The following ZNF613 variants were observed in gnomAD, a reference collection of about 807,000 sequenced individuals.
The protein encoded by ZNF613 is zinc finger protein 613.
ZNF613 carries 8 observed loss-of-function variants against 14.3 expected under a neutral mutation model. The observed-to-expected ratio is 0.56, with a 90% CI of 0.33 to 1.01. The LOEUF is 1.01. Ranked by LOEUF, ZNF613 falls within the 50% of genes least tolerant of loss-of-function variation. ZNF613 has a pLI of 0.03. For synonymous variants in ZNF613, 228 were observed against 254.5 expected (o/e 0.90, Z 0.99); for missense variants, 656 against 741.9 (o/e 0.88, Z 1.35).
At chr19:51,928,670 G>C (rs1040749739) in intron 1 of ZNF613, among the ~76,000 whole-genome samples, 2 of 152,054 alleles carry the variant, frequency 1.3e-5, no homozygotes, top group Non-Finnish European at 2.9e-5. Context: ...AGATCAGCCT[G>C]AACAACATAG....
chr19:51,930,337 C>G lies in ZNF613; in HGVS notation c.-194+441C>G, dbSNP rs146642060. Among the ~76,000 whole-genome samples, 224 of 152,184 alleles carry G rather than the reference C, an allele frequency of 1.5e-3. 2 individuals are homozygous for G. Among genetic ancestry groups the G allele is most frequent in the African/African-American group, 5.2e-3 (216 of 41,506 alleles). On this transcript the variant is annotated intron_variant, in intron 2 of 5. Transcript: ENST00000293471. ...AATGCAGTGGCGTGATCTCAGCTCA[C>G]TGCAACCACCACCTCCCAAGTTCAA...
Position 51,945,780 on chromosome 19 carries a change from C to T in ZNF613, c.*43C>T, listed in dbSNP as rs375492039. ...TGAATGTGGTAGTGCTTTCAGTGAT[C>T]AATTACATCATATGTCACAAAAAAC... On this transcript the variant is annotated 3_prime_UTR_variant, in exon 6 of 6. Transcript: ENST00000293471. 1.8e-4 allele frequency: 295 copies of T among 1,600,624 alleles called. No individual in the cohort carries two copies. The highest frequency in any genetic ancestry group is 2.5e-4 in the Non-Finnish European group (290 of 1,170,746).
intron 3 of ZNF613, among the ~76,000 whole-genome samples, chr19:51,936,726 C>T (rs971990651): frequency 1.3e-5 from 2 of 152,158 alleles, no homozygotes; most frequent in Non-Finnish European, 2.9e-5. Flanking sequence ...CTGAAGCAAT[C>T]TGTCTCCCTT....
chr19:51,944,595 G>A lies in ZNF613; in HGVS notation c.712G>A (p.Gly238Arg). The change falls in exon 6 of 6, where the codon GGG (glycine) becomes AGG (arginine). Residue 238 changes from glycine to arginine, a missense_variant. Physicochemically the swap from Gly to Arg is moderately radical, Grantham distance 125. Coordinates refer to ENST00000293471, the MANE Select transcript of ZNF613 (RefSeq NM_001031721.4). ...GEKPHGCSIC[G>R]KAFSRKSGLT... ...GAAACCTCATGGATGCAGTATATGT[G>A]GGAAAGCCTTCTCCAGAAAGTCCGG... 1 of 1,614,166 alleles carries A rather than the reference G, an allele frequency of 6.2e-7. No individual in the cohort carries two copies. The highest frequency in any genetic ancestry group is 1.3e-5 in the African/African-American group (1 of 75,042).
In ZNF613 at chr19:51,945,688, C is replaced by G. The variant is rs372326461; in HGVS notation, c.1805C>G (p.Pro602Arg). The G allele has an allele frequency of 6.2e-7, 1 of 1,614,034 alleles. No individual in the cohort carries two copies. The highest frequency in any genetic ancestry group is 1.3e-5 in the African/African-American group (1 of 74,924). Residue 602 changes from proline to arginine, a missense_variant, in exon 6 of 6, where the codon CCT becomes CGT. Physicochemically the swap from Pro to Arg is moderately radical, Grantham distance 103. Transcript: ENST00000293471. ...AESKVAIVSQ[P>R]VARSSVSADS... The stretch of plus-strand genomic sequence containing the variant: ...AGCAAAGTAGCCATTGTGAGCCAGC[C>G]TGTTGCCAGAAGTTCAGTCTCAGCA...
rs2085397885 is a variant in ZNF613 at position 51,945,897 on chromosome 19, G to A, written c.*160G>A. On this transcript the variant is annotated 3_prime_UTR_variant, in exon 6 of 6. Transcript: ENST00000293471. ...TATACTCAGAGAAAAATAGTATGAA[G>A]TGGAGACTGGGAAATTCTTTTATGG... The A allele has an allele frequency of 1.4e-6, 1 of 725,488 alleles. No individual in the cohort carries two copies. Among genetic ancestry groups the A allele is most frequent in the Non-Finnish European group, 2.2e-6 (1 of 450,590 alleles). 44.9% of individuals were successfully genotyped at this position (725,488 alleles called of 1,614,324 possible). A position where few individuals can be genotyped will look rare whatever the true frequency, so the allele number is the denominator to read the frequency against.
Position 51,936,182 on chromosome 19 carries a change from G to A in ZNF613, c.-39G>A. 6.3e-7 allele frequency: 1 copy of A among 1,596,812 alleles called. No individual in the cohort carries two copies. Among genetic ancestry groups the A allele is most frequent in the Non-Finnish European group, 8.5e-7 (1 of 1,172,632 alleles). ...AGCTCAAGGAGAGACTACAGACACA[G>A]CATCCTACTTACTGGCTATTTCCCA... is the stretch of plus-strand genomic sequence containing the variant. On this transcript the variant is annotated 5_prime_UTR_variant, in exon 3 of 6. Coordinates refer to ENST00000293471, the MANE Select transcript of ZNF613 (RefSeq NM_001031721.4).
chr19:51,930,089 C>G (rs1211204420), intron 2 of ZNF613, among the ~76,000 whole-genome samples, 193 bp downstream of exon 2: 2 of 152,064 alleles, frequency 1.3e-5, no homozygotes, highest in South Asian at 2.1e-4. Flanking sequence ...AACCCTGTAC[C>G]CTTTTGTTAC....
intron 2 of ZNF613, among the ~76,000 whole-genome samples, chr19:51,932,353 T>C (rs2085273000): frequency 7.3e-6 from 1 of 137,062 alleles, no homozygotes; most frequent in African/African-American, 2.7e-5. Context: ...CTTGTTGCCC[T>C]GGCTAGAGTG....
chr19:51,930,885 C>T (rs1410111525), intron 2 of ZNF613, among the ~76,000 whole-genome samples: 2 of 152,120 alleles, frequency 1.3e-5, no homozygotes, highest in African/African-American at 4.8e-5. Context: ...TTTCCGCCAG[C>T]GATATTTGAG....
At chr19:51,934,446 A>G (rs1290892012) in intron 2 of ZNF613, among the ~76,000 whole-genome samples, 1 of 152,142 alleles carries the variant, frequency 6.6e-6, no homozygotes, top group African/African-American at 2.4e-5. Flanking sequence ...CCCTTGAACT[A>G]ATTTCATATA....
intron 4 of ZNF613, 26 bp downstream of exon 4, chr19:51,940,361 C>T: frequency 3.7e-6 from 6 of 1,612,912 alleles, no homozygotes; most frequent in Non-Finnish European, 4.2e-6. Flanking sequence ...CTGTGTCACT[C>T]AGAGAGTACC....
At chr19:51,936,351 C>A (rs895126541) in intron 3 of ZNF613, 116 bp downstream of exon 3, 11 of 1,074,514 alleles carry the variant, frequency 1.0e-5, no homozygotes, top group Non-Finnish European at 1.2e-5. Context: ...ATTTGTGCAT[C>A]AGTAAATTTA....
chr19:51,927,485 A>C lies in ZNF613; in HGVS notation c.-414A>C, dbSNP rs2085223478. ...GGCTGGGGGAGGGCCCAGAAGTGGA[A>C]TAATTCAGGAAAGTGCAGGTTCTGG... On this transcript the variant is annotated 5_prime_UTR_variant, in exon 1 of 6. Transcript: ENST00000293471. The C allele has an allele frequency of 6.6e-6, 1 of 151,598 alleles. No individual in the cohort carries two copies. Among genetic ancestry groups the C allele is most frequent in the Admixed American group, 6.6e-5 (1 of 15,186 alleles). The allele number at this position is 151,598 out of a possible 1,614,324, so 9.4% of individuals were successfully genotyped here. A position where few individuals can be genotyped will look rare whatever the true frequency, so the allele number is the denominator to read the frequency against.
rs760354746 is a variant in ZNF613, at chr19:51,945,142, G to A, written c.1259G>A (p.Arg420His). The A allele has an allele frequency of 1.9e-5, 30 of 1,614,030 alleles. No individual in the cohort carries two copies. Among genetic ancestry groups the A allele is most frequent in the Middle Eastern group, 1.6e-4 (1 of 6,084 alleles). The change falls in exon 6 of 6, where the codon CGT becomes CAT. Residue 420 changes from arginine to histidine, a missense_variant. Transcript: ENST00000293471. Reference sequence around the variant, plus strand: ...AAGGGCAACCTCCTTATTCATCGACGTACTCACACTGGAGAGAAACCCTAT... The same window carrying A: ...AAGGGCAACCTCCTTATTCATCGACATACTCACACTGGAGAGAAACCCTAT... ...IQKGNLLIHR[R>H]THTGEKPYVC... is the part of the protein sequence containing the mutation.
At chr19:51,940,493 G>A (rs950715622) in intron 4 of ZNF613, 124 bp from the exon 5 acceptor site, 131 of 1,496,786 alleles carry the variant, frequency 8.8e-5, no homozygotes, top group Non-Finnish European at 1.2e-4. Flanking sequence ...CCCCTTTAGA[G>A]GGAAAATCCC....
In ZNF613 at chr19:51,936,176, GACACAGCATCCT is replaced by G; in HGVS notation, c.-42_-31del. ...GAGGGCAGCTCAAGGAGAGACTACA[GACACAGCATCCT>G]ACTTACTGGCTATTTCCCAGTAACA... On this transcript the variant is annotated 5_prime_UTR_variant, in exon 3 of 6. Transcript: ENST00000293471. The G allele has an allele frequency of 6.3e-7, 1 of 1,590,352 alleles. No homozygotes were observed. Among genetic ancestry groups the G allele is most frequent in the East Asian group, 2.3e-5 (1 of 44,146 alleles).
intron 2 of ZNF613, among the ~76,000 whole-genome samples, chr19:51,932,677 A>C (rs149286778): frequency 1.1e-3 from 163 of 146,234 alleles, no homozygotes; most frequent in African/African-American, 4.0e-3. Context: ...AGTGTCTGAC[A>C]TTTTCTTTTT....
chr19:51,936,311 A>G, intron 3 of ZNF613, 76 bp downstream of exon 3: 1 of 1,456,648 alleles, frequency 6.9e-7, no homozygotes, highest in Non-Finnish European at 9.3e-7. Flanking sequence ...CAGTTGAATT[A>G]AGTCAAAAAG....
Sources: allele counts gnomAD v4.1 joint callset (sites outside exome capture counted in the v4.1 genomes callset), GRCh38; gene constraint gnomAD v4.1.1; transcripts MANE v1.5; gene names NCBI Gene and HGNC (gene_info 2026-07-23, HGNC 2026-07-21).